The following KDM4B variants were observed in gnomAD, a reference collection of about 807,000 sequenced individuals.
The protein encoded by KDM4B is lysine-specific demethylase 4B.
A neutral mutation model predicts 125.2 loss-of-function variants in KDM4B; 32 were observed. The ratio of observed to expected loss-of-function variants is 0.26; its 90% CI spans 0.19 to 0.34. The LOEUF (loss-of-function observed/expected upper bound fraction) is 0.34, where lower values mean the gene tolerates loss of function less well. KDM4B is among the 10% of genes least tolerant of loss of function. The pLI is 1.00. For synonymous variants in KDM4B, 721 were observed against 677.9 expected (o/e 1.06, Z -0.99); for missense variants, 1,190 against 1,577.7 (o/e 0.75, Z 4.16).
At chr19:5,083,369 C>T (rs573694951) in intron 9 of KDM4B, among the ~76,000 whole-genome samples, 17 of 152,254 alleles carry the variant, frequency 1.1e-4, no homozygotes, top group African/African-American at 2.4e-4. Flanking sequence ...GTCCCAGTGA[C>T]GGGGACGTGG....
intron 9 of KDM4B, among the ~76,000 whole-genome samples, chr19:5,088,913 G>A (rs1353337538): frequency 6.6e-6 from 1 of 152,152 alleles, no homozygotes; most frequent in Non-Finnish European, 1.5e-5. Context: ...GCCCAGCGTG[G>A]GTGAACCCTG....
intron 6 of KDM4B, among the ~76,000 whole-genome samples, chr19:5,063,931 C>T (rs891311325): frequency 2.0e-5 from 3 of 152,190 alleles, no homozygotes; most frequent in Non-Finnish European, 4.4e-5. Flanking sequence ...GACTGCATGT[C>T]GGCTGAGGGG....
chr19:5,045,026 T>A (rs1419471722), intron 5 of KDM4B, among the ~76,000 whole-genome samples: 8 of 152,214 alleles, frequency 5.3e-5, no homozygotes, highest in Non-Finnish European at 7.3e-5. Flanking sequence ...GTTTGGTCAA[T>A]GTGGGCAGAA....
At chr19:5,077,247 T>C in intron 7 of KDM4B, 120 bp from the exon 8 acceptor site, 1 of 805,212 alleles carries the variant, frequency 1.2e-6, no homozygotes, top group South Asian at 1.6e-5. Flanking sequence ...GGCCGTGCTC[T>C]GTGCTCCCAC....
chr19:5,025,458 G>A (rs2036249502), intron 2 of KDM4B, among the ~76,000 whole-genome samples: 2 of 152,266 alleles, frequency 1.3e-5, no homozygotes, highest in South Asian at 2.1e-4. Flanking sequence ...ACCCATGGGG[G>A]TTGCATGCCC....
rs1215037347 is a variant in KDM4B at position 5,114,720 on chromosome 19, C to A, written c.1115+3902C>A. On this transcript the variant is annotated intron_variant, in intron 10 of 22. Transcript: ENST00000159111. The surrounding 1 kb of genome is among the most constrained non-coding windows in gnomAD (Gnocchi z 5.8). ...CTCAGCCTGGGGCCAGCCTCCCAGT[C>A]CTCCCCACCTTGTGAGAAGCCCTGA... 6.6e-6 allele frequency among the ~76,000 whole-genome samples: 1 copy of A among 152,242 alleles called. No individual in the cohort carries two copies. The highest frequency in any genetic ancestry group is 2.4e-5 in the African/African-American group (1 of 41,468).
At chr19:5,076,148 C>T (rs2038102549) in intron 7 of KDM4B, 1 of 88,622 alleles carries the variant, frequency 1.1e-5, no homozygotes, top group Non-Finnish European at 2.2e-5. Flanking sequence ...GTGACGAGAG[C>T]GGCCACACTG....
chr19:5,150,269 C>T, intron 21 of KDM4B, 89 bp from the exon 22 acceptor site: 2 of 1,102,108 alleles, frequency 1.8e-6, no homozygotes, highest in Non-Finnish European at 2.7e-6. Context: ...CCCAAGGGGG[C>T]TGGCCTCCCA....
At chr19:5,070,936 C>G (rs1475548663) in intron 6 of KDM4B, 74 bp from the exon 7 acceptor site, 8 of 1,506,968 alleles carry the variant, frequency 5.3e-6, no homozygotes, top group African/African-American at 1.4e-5. Flanking sequence ...CTCCCCAAGG[C>G]TGGTCCCACC....
intron 14 of KDM4B, among the ~76,000 whole-genome samples, chr19:5,135,104 C>A (rs958610156): frequency 6.6e-6 from 1 of 152,242 alleles, no homozygotes; most frequent in East Asian, 1.9e-4. Context: ...CTGGATGCAA[C>A]CCTCATGGGA....
chr19:4,976,765 G>A (rs1332904036), intron 1 of KDM4B, among the ~76,000 whole-genome samples: 1 of 152,202 alleles, frequency 6.6e-6, no homozygotes, highest in African/African-American at 2.4e-5. Flanking sequence ...GGTGGCCATC[G>A]TGCGGTCAGT....
chr19:5,091,846 C>A (rs1344986330), intron 9 of KDM4B, among the ~76,000 whole-genome samples: 4 of 152,310 alleles, frequency 2.6e-5, no homozygotes, highest in Admixed American at 2.6e-4. Flanking sequence ...TGTGCCCTGC[C>A]TTTGGCTTCC....
chr19:5,094,539 G>A (rs2038779376), intron 9 of KDM4B, among the ~76,000 whole-genome samples: 1 of 152,138 alleles, frequency 6.6e-6, no homozygotes, highest in Admixed American at 6.5e-5. Flanking sequence ...CCGTCTAGAC[G>A]GGCATGGGGT....
Position 5,153,188 on chromosome 19 carries a change from G to A in KDM4B, c.*1677G>A, listed in dbSNP as rs1440279881. 6.6e-6 allele frequency: 1 copy of A among 152,132 alleles called. No homozygotes were observed. 9.4% of individuals were successfully genotyped at this position (152,132 alleles called of 1,614,324 possible). Reference sequence around the variant, plus strand: ...GGTGGGGGAGGGGGGCGGTTGCCCTGGAGAGGGCCGGGGTCGGGGAGGTTG... The same window carrying A: ...GGTGGGGGAGGGGGGCGGTTGCCCTAGAGAGGGCCGGGGTCGGGGAGGTTG... On this transcript the variant is annotated 3_prime_UTR_variant, in exon 23 of 23. Coordinates refer to ENST00000159111, the MANE Select transcript of KDM4B (RefSeq NM_015015.3).
intron 9 of KDM4B, among the ~76,000 whole-genome samples, chr19:5,106,353 G>A (rs1847536260): frequency 6.6e-6 from 1 of 152,202 alleles, no homozygotes; most frequent in Non-Finnish European, 1.5e-5. Flanking sequence ...ATCGCTAGCA[G>A]GGGGAGATTA....
chr19:4,988,196 G>A (rs867706109), intron 1 of KDM4B, among the ~76,000 whole-genome samples: 2 of 152,232 alleles, frequency 1.3e-5, no homozygotes, highest in Non-Finnish European at 2.9e-5. Context: ...CTAACCCCAC[G>A]GCCCATGCCA....
intron 5 of KDM4B, among the ~76,000 whole-genome samples, chr19:5,043,901 T>A (rs1599488018): frequency 8.2e-6 from 1 of 121,258 alleles, no homozygotes; most frequent in Non-Finnish European, 1.7e-5. Flanking sequence ...GGAGTGGGGG[T>A]GTCCACCTTA....
chr19:4,969,170 ACGCCGAGGGCGGGGGAGAGCGCGC>A lies in KDM4B; in HGVS notation c.-165_-142del, dbSNP rs1235077917. 2 of 149,854 alleles carry A rather than the reference ACGCCGAGGGCGGGGGAGAGCGCGC, an allele frequency of 1.3e-5. No individual in the cohort carries two copies. The highest frequency in any genetic ancestry group is 4.9e-5 in the African/African-American group (2 of 40,904). 9.3% of individuals were successfully genotyped at this position (149,854 alleles called of 1,614,324 possible). Reference sequence around the variant, plus strand: ...GGCCCGAGCGGGGCCTGGGGGTGCGACGCCGAGGGCGGGGGAGAGCGCGCCGCTGCTCCCGGACCGGGCCGCGCA... The same window carrying A: ...GGCCCGAGCGGGGCCTGGGGGTGCGACGCTGCTCCCGGACCGGGCCGCGCA... On this transcript the variant is annotated 5_prime_UTR_variant, in exon 1 of 23. Coordinates refer to ENST00000159111, the MANE Select transcript of KDM4B (RefSeq NM_015015.3).
In KDM4B at chr19:5,134,121, G is replaced by A. The variant is rs1035480067; in HGVS notation, c.2085+60G>A. ...CCAGGCAGGGGCGGTGGGAGAGGGC[G>A]AGGGACCGGGCACCCCACACGCCTC... On this transcript the variant is annotated intron_variant, in intron 14 of 22. Coordinates refer to ENST00000159111, the MANE Select transcript of KDM4B (RefSeq NM_015015.3). The A allele has an allele frequency of 6.7e-6, 10 of 1,487,702 alleles. No homozygotes were observed. The East Asian group carries it at 1.2e-4, about 17-fold the overall frequency. The allele number at this position is 1,487,702 out of a possible 1,614,324, so 92.2% of individuals were successfully genotyped here.
Sources: allele counts gnomAD v4.1 joint callset (sites outside exome capture counted in the v4.1 genomes callset), GRCh38; gene constraint gnomAD v4.1.1; non-coding constraint Gnocchi (gnomAD v3.1); transcripts MANE v1.5; gene names NCBI Gene and HGNC (gene_info 2026-07-23, HGNC 2026-07-21).